The following EXOC3L1 variants were observed in gnomAD, a reference collection of about 807,000 sequenced individuals.
EXOC3L1 encodes the protein exocyst complex component 3 like 1, also known as exocyst complex component 3-like protein.
A neutral mutation model predicts 83.6 loss-of-function variants in EXOC3L1; 79 were observed. The ratio of observed to expected loss-of-function variants is 0.95; its 90% CI spans 0.79 to 1.14. The LOEUF is 1.14. EXOC3L1 is among the 50% of genes most tolerant of loss of function. EXOC3L1 has a pLI of 0.00. For missense variants in EXOC3L1, 945 were observed against 972.0 expected (o/e 0.97, Z 0.37); for synonymous variants, 433 against 451.2 (o/e 0.96, Z 0.51).
intron 10 of EXOC3L1, 51 bp from the exon 11 acceptor site, chr16:67,185,309 C>G (rs2032668004): frequency 6.2e-7 from 1 of 1,613,006 alleles, no homozygotes; most frequent in Admixed American, 1.7e-5. Flanking sequence ...CCATACGTAG[C>G]TGTACCGCCA....
intron 4 of EXOC3L1, 79 bp from the exon 5 acceptor site, chr16:67,187,916 C>G: frequency 3.4e-6 from 5 of 1,486,930 alleles, no homozygotes; most frequent in Non-Finnish European, 4.5e-6. Flanking sequence ...GATACTGAGG[C>G]CCAGGGCGGG....
Position 67,187,750 on chromosome 16 carries a change from A to AGCTGCTCCAGCTCCCGAAG in EXOC3L1, c.496_514dup (p.Leu172ProfsTer126). 1 of 1,613,004 alleles carries AGCTGCTCCAGCTCCCGAAG rather than the reference A, an allele frequency of 6.2e-7. No individual in the cohort carries two copies. The highest frequency in any genetic ancestry group is 8.5e-7 in the Non-Finnish European group (1 of 1,179,988). On this transcript the variant is annotated frameshift_variant, in exon 5 of 14. Transcript: ENST00000314586. LOFTEE classifies it high-confidence loss of function. ...CAGGGGTGCCCACGTATCCTCTCGC[A>AGCTGCTCCAGCTCCCGAAG]GCTGCTCCAGCTCCCGAAGGCTCAC...
At chr16:67,188,259 C>T (rs928277558) in intron 4 of EXOC3L1, among the ~76,000 whole-genome samples, 2 of 151,650 alleles carry the variant, frequency 1.3e-5, no homozygotes, top group Non-Finnish European at 2.9e-5. Context: ...CAAAACAAAA[C>T]AAAAAATGAA....
chr16:67,187,345 A>T lies in EXOC3L1; in HGVS notation c.920T>A (p.Leu307Gln). ...CCPPQYNVVQ[L>Q]WAHTLHSGLR... ...ACCACTATGCAGCGTGTGGGCCCAT[A>T]GCTGGACCACGTTGTACTGTGGCGG... Residue 307 changes from leucine (L) to glutamine (Q), a missense_variant, in exon 5 of 14, where the codon CTA becomes CAA. By Grantham distance (113) the Leu-to-Gln change is moderately radical. Transcript: ENST00000314586. The T allele has an allele frequency of 6.2e-7, 1 of 1,612,928 alleles. No individual in the cohort carries two copies. The highest frequency in any genetic ancestry group is 1.1e-5 in the South Asian group (1 of 91,084).
rs747674018 is a variant in EXOC3L1, at chr16:67,189,122, C to A, written c.105G>T (p.Lys35Asn). ...GCCGGTAGAAGATGCCTGAGGCCCA[C>A]TTGAGCGCTGCACCCCGGGCCAGCT... is the stretch of plus-strand genomic sequence containing the variant. ...AEQLARGAAL[K>N]WASGIFYRPE... is the part of the protein sequence containing the mutation. Residue 35 changes from lysine to asparagine, a missense_variant, in exon 3 of 14, where the codon AAG becomes AAT. Transcript: ENST00000314586. The A allele has an allele frequency of 3.1e-6, 5 of 1,608,152 alleles. No homozygotes were observed. Among genetic ancestry groups the A allele is most frequent in the Non-Finnish European group, 4.2e-6 (5 of 1,179,424 alleles).
chr16:67,189,469 G>A (rs550186433), intron 2 of EXOC3L1, among the ~76,000 whole-genome samples, 162 bp downstream of exon 2: 1 of 152,234 alleles, frequency 6.6e-6, no homozygotes, highest in East Asian at 1.9e-4. Flanking sequence ...TAGAGACGGG[G>A]TTTCACTATG....
At chr16:67,188,629 G>C in intron 4 of EXOC3L1, 92 bp downstream of exon 4, 1 of 1,255,578 alleles carries the variant, frequency 8.0e-7, no homozygotes, top group Non-Finnish European at 1.1e-6. Context: ...GCTCTATGCA[G>C]TTCCCCATCT....
intron 9 of EXOC3L1, 53 bp from the exon 10 acceptor site, chr16:67,185,543 C>T: frequency 1.3e-6 from 2 of 1,548,304 alleles, no homozygotes; most frequent in Admixed American, 1.7e-5. Flanking sequence ...CCGCATGGCC[C>T]TCGGTGGTCC....
Position 67,187,219 on chromosome 16 carries a change from A to C in EXOC3L1, c.1040+6T>G. On this transcript the variant is annotated splice_donor_region_variant and intron_variant, in intron 5 of 13. Transcript: ENST00000314586. ...CCCCATGTCCCGCTGCCCCAAAGGC[A>C]CTGACCCCAGGTACACATGCAGTGC... The C allele has an allele frequency of 6.2e-7, 1 of 1,609,420 alleles. No homozygotes were observed. Among genetic ancestry groups the C allele is most frequent in the Non-Finnish European group, 8.5e-7 (1 of 1,177,058 alleles).
intron 2 of EXOC3L1, among the ~76,000 whole-genome samples, 183 bp from the exon 3 acceptor site, chr16:67,189,363 G>A (rs1005767250): frequency 2.6e-5 from 4 of 152,108 alleles, no homozygotes; most frequent in Non-Finnish European, 4.4e-5. Context: ...TGTAACCTCC[G>A]CCTCCCGGGT....
chr16:67,187,378 G>A lies in EXOC3L1; in HGVS notation c.887C>T (p.Pro296Leu), dbSNP rs1020339562. The A allele has an allele frequency of 6.2e-6, 10 of 1,612,710 alleles. No individual in the cohort carries two copies. Among genetic ancestry groups the A allele is most frequent in the Non-Finnish European group, 8.5e-6 (10 of 1,179,976 alleles). ...CACGTTGTACTGTGGCGGGCAGCAA[G>A]GCGCTACTAGTGCCTCAGCTGTGGC... is the stretch of plus-strand genomic sequence containing the variant. ...ELATAEALVA[P>L]CCPPQYNVVQ... The change falls in exon 5 of 14, where the codon CCT (proline) becomes CTT (leucine). Residue 296 changes from proline (P) to leucine (L), a missense_variant. Physicochemically the swap from Pro to Leu is moderately conservative, Grantham distance 98. Transcript: ENST00000314586.
intron 4 of EXOC3L1, among the ~76,000 whole-genome samples, chr16:67,188,270 C>CA (rs1279680252): frequency 6.6e-6 from 1 of 151,840 alleles, no homozygotes; most frequent in African/African-American, 2.4e-5. Flanking sequence ...AAAAAATGAA[C>CA]AAAAAACCAT....
chr16:67,186,227 CT>C lies in EXOC3L1; in HGVS notation c.1496+9del. 6.4e-7 allele frequency: 1 copy of C among 1,557,184 alleles called. No homozygotes were observed. The highest frequency in any genetic ancestry group is 8.7e-7 in the Non-Finnish European group (1 of 1,148,228). Reference sequence around the variant, plus strand: ...AGTGAAGGTGGGGTTCCCTGGGGGCCTTCTGGTACCTGAGTGCTGACTTGTG... The same window carrying C: ...AGTGAAGGTGGGGTTCCCTGGGGGCCTCTGGTACCTGAGTGCTGACTTGTG... On this transcript the variant is annotated intron_variant, in intron 9 of 13. Coordinates refer to ENST00000314586, the MANE Select transcript of EXOC3L1 (RefSeq NM_178516.4).
rs1450414085 is a variant in EXOC3L1 at position 67,189,056 on chromosome 16, C to A, written c.171G>T (p.Glu57Asp). ...LARLGQYRSR[E>D]VQRTCSLESR... is the part of the protein sequence containing the mutation. ...ATTCCAGGGAGCAGGTACGCTGCACCTCGCGGCTGCGGTACTGGCCTAGCC... is the reference window on the plus strand; with the variant it reads ...ATTCCAGGGAGCAGGTACGCTGCACATCGCGGCTGCGGTACTGGCCTAGCC... The change falls in exon 3 of 14, where the codon GAG becomes GAT. Residue 57 changes from glutamate to aspartate, a missense_variant. By Grantham distance (45) the Glu-to-Asp change is conservative. Transcript: ENST00000314586. The A allele has an allele frequency of 6.2e-7, 1 of 1,607,292 alleles. No individual in the cohort carries two copies. The highest frequency in any genetic ancestry group is 1.1e-5 in the South Asian group (1 of 90,668).
Position 67,187,100 on chromosome 16 carries a change from G to A in EXOC3L1, c.1079C>T (p.Ala360Val). ...AAGGGGCTCCAGCTGGGACACATCA[G>A]CCTCAGGCCCCAACTCCAGGCTCCC... is the stretch of plus-strand genomic sequence containing the variant. ...MMGSLELGPE[A>V]DVSQLEPLLT... Residue 360 changes from alanine to valine, a missense_variant, in exon 6 of 14, where the codon GCT becomes GTT. By Grantham distance (64) the Ala-to-Val change is moderately conservative. Transcript: ENST00000314586. The A allele has an allele frequency of 1.2e-6, 2 of 1,613,616 alleles. No homozygotes were observed. The highest frequency in any genetic ancestry group is 2.2e-5 in the South Asian group (2 of 91,090).
At chr16:67,189,810 G>T in intron 1 of EXOC3L1, 127 bp from the exon 2 acceptor site, 1 of 925,840 alleles carries the variant, frequency 1.1e-6, no homozygotes, top group Non-Finnish European at 1.7e-6. Flanking sequence ...CTCGGGAAGT[G>T]AGAGGGAGCG....
rs553579108 is a variant in EXOC3L1, at chr16:67,186,802, G to A, written c.1241C>T (p.Pro414Leu). Residue 414 changes from proline (P) to leucine (L), a missense_variant, in exon 7 of 14, where the codon CCG (proline) becomes CTG (leucine). By Grantham distance (98) the Pro-to-Leu change is moderately conservative. Coordinates refer to ENST00000314586, the MANE Select transcript of EXOC3L1 (RefSeq NM_178516.4). ...WGREHGPNTD[P>L]SGSYYSPMPA... is the part of the protein sequence containing the mutation. ...CATTGGTGAGTAATAGGAGCCAGAC[G>A]GGTCTGTGTTGGGCCCATGCTCCCG... 2.5e-6 allele frequency: 4 copies of A among 1,613,586 alleles called. No individual in the cohort carries two copies. Among genetic ancestry groups the A allele is most frequent in the Admixed American group, 1.7e-5 (1 of 60,014 alleles).
At position 67,189,095 on chromosome 16, in the gene EXOC3L1, C is replaced by T. The variant is rs765626405; in HGVS notation, c.132G>A (p.Pro44=). ...LKWASGIFYR[P]EQLARLGQYR... ...ACTGGCCTAGCCTGGCCAGCTGCTC[C>T]GGCCGGTAGAAGATGCCTGAGGCCC... is the stretch of plus-strand genomic sequence containing the variant. Residue 44 remains proline (P), a synonymous_variant, in exon 3 of 14, where the codon CCG becomes CCA. Coordinates refer to ENST00000314586, the MANE Select transcript of EXOC3L1 (RefSeq NM_178516.4). The T allele has an allele frequency of 5.5e-5, 88 of 1,608,202 alleles. No individual in the cohort carries two copies. In the Admixed American group the frequency reaches 1.3e-3, roughly 24 times the overall value.
At position 67,188,726 on chromosome 16, in the gene EXOC3L1, C is replaced by G. The variant is rs144496611; in HGVS notation, c.422G>C (p.Arg141Pro). The stretch of plus-strand genomic sequence containing the variant: ...CAGGGTCCCTGCATGCTCACCTGCC[C>G]GCAGCCGAGGCAGCAGGTGAGACAG... ...QALSHLLPRL[R>P]AVPAAVSHTQ... is the part of the protein sequence containing the mutation. The change falls in exon 4 of 14, where the codon CGG becomes CCG. Residue 141 changes from arginine to proline, a missense_variant. Transcript: ENST00000314586. 1,992 of 1,609,230 alleles carry G rather than the reference C, an allele frequency of 1.2e-3. 3 individuals carry two copies. The highest frequency in any genetic ancestry group is 1.5e-3 in the Non-Finnish European group (1,819 of 1,177,808).
Sources: gnomAD v4.1 joint callset for allele counts (sites outside exome capture counted in the v4.1 genomes callset) on GRCh38, gnomAD v4.1.1 for gene constraint, MANE v1.5 for transcripts, NCBI Gene and HGNC (gene_info 2026-07-23, HGNC 2026-07-21) for gene names.